The following STOM variants were observed in gnomAD, a reference collection of about 807,000 sequenced individuals.
STOM encodes the protein stomatin.
A neutral mutation model predicts 30.6 loss-of-function variants in STOM; 25 were observed. The observed-to-expected ratio is 0.82, with a 90% CI of 0.60 to 1.14. The LOEUF (loss-of-function observed/expected upper bound fraction) is 1.14, where lower values mean the gene tolerates loss of function less well. STOM is among the 50% of genes most tolerant of loss of function. The probability of loss-of-function intolerance (pLI) is 0.00; values close to 1 mark genes in which losing one functional copy is unlikely to be tolerated. For synonymous variants in STOM, 118 were observed against 130.8 expected (o/e 0.90, Z 0.67); for missense variants, 292 against 365.2 (o/e 0.80, Z 1.63).
chr9:121,368,397 A>T (rs2064525777), intron 1 of STOM, among the ~76,000 whole-genome samples: 1 of 152,228 alleles, frequency 6.6e-6, no homozygotes, highest in South Asian at 2.1e-4. Flanking sequence ...AGGTCAGGGT[A>T]TTGAGGAATG....
At chr9:121,352,352 AAC>A (rs2064346884) in intron 4 of STOM, among the ~76,000 whole-genome samples, 1 of 152,242 alleles carries the variant, frequency 6.6e-6, no homozygotes, top group Non-Finnish European at 1.5e-5. Flanking sequence ...CCATGGAGCC[AAC>A]CGTATAATCT....
chr9:121,352,880 C>T (rs968529961), intron 4 of STOM, among the ~76,000 whole-genome samples: 4 of 152,126 alleles, frequency 2.6e-5, no homozygotes, highest in African/African-American at 9.7e-5. Context: ...CACCTGAGGT[C>T]AGGAGTTCGA....
rs753860952 is a variant in STOM at position 121,356,112 on chromosome 9, C to T, written c.106G>A (p.Ala36Thr). Residue 36 changes from alanine to threonine, a missense_variant, in exon 2 of 7, where the codon GCG becomes ACG. Ala to Thr is a moderately conservative substitution (Grantham distance 58, BLOSUM62 0). Coordinates refer to ENST00000286713, the MANE Select transcript of STOM (RefSeq NM_004099.6). The stretch of plus-strand genomic sequence containing the variant: ...ATAACGGTGAATAAGAATGAGAACG[C>T]CACCAAAATCCATCCGCAAGGTCCA... ...GLGPCGWILV[A>T]FSFLFTVITF... 1 of 1,613,980 alleles carries T rather than the reference C, an allele frequency of 6.2e-7. No homozygotes were observed. The highest frequency in any genetic ancestry group is 1.3e-5 in the African/African-American group (1 of 74,908).
intron 2 of STOM, among the ~76,000 whole-genome samples, chr9:121,355,366 C>T (rs1418279857): frequency 1.4e-5 from 2 of 147,534 alleles, no homozygotes; most frequent in South Asian, 2.1e-4. Context: ...CCAGCCTGGG[C>T]GACAGAGCAA....
In STOM at chr9:121,350,502, A is replaced by T. The variant is rs1006339190; in HGVS notation, c.322-1179T>A. ...CTTGAAACATAGCGGGTAGTCAATA[A>T]ATGAGAGAGGAGCTGAACTGAAATG... On this transcript the variant is annotated intron_variant, in intron 4 of 6. Coordinates refer to ENST00000286713, the MANE Select transcript of STOM (RefSeq NM_004099.6). Among the ~76,000 whole-genome samples, 9 of 152,306 alleles carry T rather than the reference A, an allele frequency of 5.9e-5. No individual in the cohort carries two copies. In the South Asian group the frequency reaches 1.9e-3, roughly 32 times the overall value.
rs2064234488 is a variant in STOM at position 121,340,272 on chromosome 9, T to G, written c.*930A>C. 1 of 985,230 alleles carries G rather than the reference T, an allele frequency of 1.0e-6. No homozygotes were observed. The highest frequency in any genetic ancestry group is 4.7e-5 in the South Asian group (1 of 21,294). 61.0% of individuals were successfully genotyped at this position (985,230 alleles called of 1,614,324 possible). A position where few individuals can be genotyped will look rare whatever the true frequency, so the allele number is the denominator to read the frequency against. ...TGTATTTTTAAAATGACCACTCTAG[T>G]AGTGAATTTAAAAGTCTTTTAAGGG... On this transcript the variant is annotated 3_prime_UTR_variant, in exon 7 of 7. Coordinates refer to ENST00000286713, the MANE Select transcript of STOM (RefSeq NM_004099.6).
Position 121,339,669 on chromosome 9 carries a change from G to T in STOM, c.*1533C>A. On this transcript the variant is annotated 3_prime_UTR_variant, in exon 7 of 7. Coordinates refer to ENST00000286713, the MANE Select transcript of STOM (RefSeq NM_004099.6). ...TACAAATGTCACCCGCCAGCTTTCT[G>T]GCCAGTAAGCAGAATGCCAGGTTGC... The T allele has an allele frequency of 8.1e-7, 1 of 1,231,596 alleles. No homozygotes were observed. Among genetic ancestry groups the T allele is most frequent in the Non-Finnish European group, 1.0e-6 (1 of 987,898 alleles). 76.3% of individuals were successfully genotyped at this position (1,231,596 alleles called of 1,614,324 possible).
rs1262275462 is a variant in STOM at position 121,366,186 on chromosome 9, G to A, written c.61+3941C>T. 5.1e-5 allele frequency: 50 copies of A among 985,094 alleles called. 1 individual carries two copies. The highest frequency in any genetic ancestry group is 5.9e-5 in the Non-Finnish European group (49 of 829,810). The allele number at this position is 985,094 out of a possible 1,614,324, so 61.0% of individuals were successfully genotyped here. Reference sequence around the variant, plus strand: ...TTGTCTGAGACTTTAGGACTTTATTGGTTGTATCTTCAAGGATAATCTTCT... The same window carrying A: ...TTGTCTGAGACTTTAGGACTTTATTAGTTGTATCTTCAAGGATAATCTTCT... On this transcript the variant is annotated intron_variant, in intron 1 of 6. Transcript: ENST00000286713.
chr9:121,359,389 C>A (rs1243056068), intron 1 of STOM, among the ~76,000 whole-genome samples: 1 of 152,082 alleles, frequency 6.6e-6, no homozygotes, highest in Non-Finnish European at 1.5e-5. Flanking sequence ...AGGTAAATGT[C>A]TTCATGTATA....
intron 2 of STOM, among the ~76,000 whole-genome samples, chr9:121,355,731 G>T (rs901401836): frequency 6.6e-5 from 10 of 152,204 alleles, no homozygotes; most frequent in African/African-American, 2.4e-4. Flanking sequence ...ACAATAAACA[G>T]TAAAGCCAGC....
intron 6 of STOM, among the ~76,000 whole-genome samples, chr9:121,344,330 C>T (rs540933878): frequency 1.2e-4 from 18 of 152,290 alleles, no homozygotes; most frequent in African/African-American, 3.8e-4. Context: ...TCCATATCAT[C>T]TCAGATGTCC....
Position 121,339,965 on chromosome 9 carries a change from C to G in STOM, c.*1237G>C. ...TGTAATCAACATATTTCACAGTGTACCACAGTTAACAGCATGCAGATAGTA... is the reference window on the plus strand; with the variant it reads ...TGTAATCAACATATTTCACAGTGTAGCACAGTTAACAGCATGCAGATAGTA... On this transcript the variant is annotated 3_prime_UTR_variant, in exon 7 of 7. Transcript: ENST00000286713. 4.9e-6 allele frequency: 5 copies of G among 1,017,998 alleles called. No homozygotes were observed. The highest frequency in any genetic ancestry group is 4.7e-6 in the Non-Finnish European group (4 of 851,992). The allele number at this position is 1,017,998 out of a possible 1,614,324, so 63.1% of individuals were successfully genotyped here. A position where few individuals can be genotyped will look rare whatever the true frequency, so the allele number is the denominator to read the frequency against.
chr9:121,344,505 A>C (rs1031906459), intron 6 of STOM, among the ~76,000 whole-genome samples: 6 of 152,188 alleles, frequency 3.9e-5, no homozygotes, highest in Admixed American at 3.3e-4. Context: ...GATGTAAACA[A>C]CACCACCGGC....
At position 121,340,068 on chromosome 9, in the gene STOM, T is replaced by C; in HGVS notation, c.*1134A>G. 1.0e-6 allele frequency: 1 copy of C among 972,812 alleles called. No individual in the cohort carries two copies. The highest frequency in any genetic ancestry group is 1.2e-6 in the Non-Finnish European group (1 of 818,420). The allele number at this position is 972,812 out of a possible 1,614,324, so 60.3% of individuals were successfully genotyped here. On this transcript the variant is annotated 3_prime_UTR_variant, in exon 7 of 7. Transcript: ENST00000286713. ...GCTATTCAAATAGATATATAACAAT[T>C]GCATATAGAACGTAGAGAAAATTTT...
chr9:121,368,904 C>T (rs1234515603), intron 1 of STOM, among the ~76,000 whole-genome samples: 1 of 150,830 alleles, frequency 6.6e-6, no homozygotes, highest in East Asian at 1.9e-4. Flanking sequence ...CACACTCCAG[C>T]CTGGGCAAGA....
At chr9:121,352,621 A>G (rs2064349128) in intron 4 of STOM, among the ~76,000 whole-genome samples, 1 of 152,224 alleles carries the variant, frequency 6.6e-6, no homozygotes, top group Non-Finnish European at 1.5e-5. Flanking sequence ...AGCACTTACT[A>G]TTTGTCAGCC....
intron 6 of STOM, 21 bp downstream of exon 6, chr9:121,347,994 C>A (rs781285312): frequency 6.3e-7 from 1 of 1,582,740 alleles, no homozygotes. Flanking sequence ...GTAAGAAAAA[C>A]AAGTTTAAAA....
rs1404926473 is a variant in STOM at position 121,348,131 on chromosome 9, T to G, written c.544A>C (p.Thr182Pro). The change falls in exon 6 of 7, where the codon ACT (threonine) becomes CCT (proline). Residue 182 changes from threonine (T) to proline (P), a missense_variant. Physicochemically the swap from Thr to Pro is conservative, Grantham distance 38 (BLOSUM62 -1). Coordinates refer to ENST00000286713, the MANE Select transcript of STOM (RefSeq NM_004099.6). ...HNMQSTLDDA[T>P]DAWGIKVERV... ...TCCACCTTTATTCCCCAGGCATCAG[T>G]GGCATCATCCAGAGTAGACTGTTAG... is the stretch of plus-strand genomic sequence containing the variant. The G allele has an allele frequency of 6.2e-7, 1 of 1,614,182 alleles. No individual in the cohort carries two copies. Among genetic ancestry groups the G allele is most frequent in the East Asian group, 2.2e-5 (1 of 44,880 alleles).
chr9:121,362,632 C>T (rs1483856769), intron 1 of STOM, among the ~76,000 whole-genome samples: 2 of 152,104 alleles, frequency 1.3e-5, no homozygotes, highest in African/African-American at 4.8e-5. Flanking sequence ...GTTACTACTC[C>T]TAATAACTAC....
Sources: allele counts gnomAD v4.1 joint callset (sites outside exome capture counted in the v4.1 genomes callset), GRCh38; gene constraint gnomAD v4.1.1; transcripts MANE v1.5; gene names NCBI Gene and HGNC (gene_info 2026-07-23, HGNC 2026-07-21).